The following HTR1F variants were observed in gnomAD, a reference collection of about 807,000 sequenced individuals.
HTR1F encodes 5-hydroxytryptamine (serotonin) receptor 1F, G protein-coupled.
In HTR1F, 17 loss-of-function variants were observed where a neutral mutation model predicts 24.0. The observed-to-expected ratio is 0.71, with a 90% CI of 0.48 to 1.06. The LOEUF (loss-of-function observed/expected upper bound fraction) is 1.06, where lower values mean the gene tolerates loss of function less well. Ranked by LOEUF, HTR1F falls within the 50% of genes least tolerant of loss-of-function variation. The pLI is 0.00. For synonymous variants in HTR1F, 186 were observed against 156.8 expected, an observed-to-expected ratio of 1.19 and a Z score of -1.39; for missense variants, 391 against 427.8, an observed-to-expected ratio of 0.91 and a Z score of 0.76.
chr3:87,866,993 A>T (rs1465055952), intron 2 of HTR1F, among the ~76,000 whole-genome samples: 1 of 151,948 alleles, frequency 6.6e-6, no homozygotes, highest in Admixed American at 6.6e-5. Flanking sequence ...TAGATAATTA[A>T]GTTTATAAAC....
At chr3:87,935,196 T>TC (rs1704382061) in intron 2 of HTR1F, among the ~76,000 whole-genome samples, 1 of 152,134 alleles carries the variant, frequency 6.6e-6, no homozygotes, top group African/African-American at 2.4e-5. Context: ...AAAGCTGGAC[T>TC]CTAAAGGCAG....
intron 2 of HTR1F, among the ~76,000 whole-genome samples, chr3:87,923,010 C>T (rs1301847779): frequency 6.6e-6 from 1 of 151,610 alleles, no homozygotes; most frequent in Non-Finnish European, 1.5e-5. Flanking sequence ...TTTCCAGCAA[C>T]ATTTATTAAG....
chr3:87,822,802 T>C (rs1227931872), intron 2 of HTR1F, among the ~76,000 whole-genome samples: 1 of 152,166 alleles, frequency 6.6e-6, no homozygotes, highest in African/African-American at 2.4e-5. Flanking sequence ...TGAAACAACA[T>C]AATAAATGTT....
chr3:87,820,551 A>G (rs953067282), intron 1 of HTR1F, among the ~76,000 whole-genome samples: 1 of 152,200 alleles, frequency 6.6e-6, no homozygotes, highest in Non-Finnish European at 1.5e-5. Context: ...ATAGTTACAT[A>G]CCATCAAAGA....
intron 2 of HTR1F, among the ~76,000 whole-genome samples, chr3:87,879,979 C>A (rs1705752966): frequency 6.6e-6 from 1 of 152,020 alleles, no homozygotes; most frequent in Non-Finnish European, 1.5e-5. Context: ...TAAAATTTAA[C>A]ATCTAAACAG....
intron 2 of HTR1F, among the ~76,000 whole-genome samples, chr3:87,941,018 TG>T (rs1337309308): frequency 6.6e-6 from 1 of 152,174 alleles, no homozygotes; most frequent in East Asian, 1.9e-4. Context: ...AGGTAGGCCA[TG>T]GGTTGCAAGC....
At chr3:87,898,727 C>T (rs1487578077) in intron 2 of HTR1F, among the ~76,000 whole-genome samples, 1 of 151,636 alleles carries the variant, frequency 6.6e-6, no homozygotes, top group East Asian at 1.9e-4. Context: ...TTTGTTAATG[C>T]TTTTGATTTA....
At chr3:87,947,849 G>A (rs1704745495) in intron 2 of HTR1F, among the ~76,000 whole-genome samples, 1 of 151,944 alleles carries the variant, frequency 6.6e-6, no homozygotes, top group Non-Finnish European at 1.5e-5. Flanking sequence ...CTAATGAAAT[G>A]CTAATATATC....
intron 2 of HTR1F, among the ~76,000 whole-genome samples, chr3:87,948,283 C>T (rs1704756764): frequency 6.6e-6 from 1 of 151,878 alleles, no homozygotes. Context: ...CTTGAAAGAC[C>T]AAAAGGTAGC....
At chr3:87,840,144 C>T (rs1176767772) in intron 2 of HTR1F, among the ~76,000 whole-genome samples, 2 of 152,066 alleles carry the variant, frequency 1.3e-5, no homozygotes, top group Non-Finnish European at 2.9e-5. Context: ...AACAGGGTTG[C>T]TGAGTCTTCT....
At chr3:87,945,394 G>A (rs1479704347) in intron 2 of HTR1F, among the ~76,000 whole-genome samples, 1 of 152,166 alleles carries the variant, frequency 6.6e-6, no homozygotes, top group African/African-American at 2.4e-5. Flanking sequence ...GGGATCAGAG[G>A]AAGTCGATTC....
intron 1 of HTR1F, among the ~76,000 whole-genome samples, chr3:87,794,873 C>CTA (rs765454927): frequency 4.0e-5 from 6 of 150,822 alleles, no homozygotes; most frequent in Non-Finnish European, 7.4e-5. Flanking sequence ...ATAAAGACTA[C>CTA]TATAAAGCTG....
At chr3:87,925,657 G>T (rs529817180) in intron 2 of HTR1F, among the ~76,000 whole-genome samples, 1 of 152,292 alleles carries the variant, frequency 6.6e-6, no homozygotes, top group South Asian at 2.1e-4. Flanking sequence ...GCAGGACCCT[G>T]CATGGGTTTC....
chr3:87,836,497 G>A (rs1178094858), intron 2 of HTR1F, among the ~76,000 whole-genome samples: 2 of 152,076 alleles, frequency 1.3e-5, no homozygotes, highest in Admixed American at 6.6e-5. Context: ...AATTTGTTAT[G>A]AATAATAGAG....
At chr3:87,829,919 A>G (rs1162555204) in intron 2 of HTR1F, among the ~76,000 whole-genome samples, 1 of 152,218 alleles carries the variant, frequency 6.6e-6, no homozygotes, top group Non-Finnish European at 1.5e-5. Context: ...CATGAATATG[A>G]TCTTTAAAAA....
intron 2 of HTR1F, among the ~76,000 whole-genome samples, chr3:87,975,850 A>G (rs1705384697): frequency 1.3e-5 from 2 of 152,262 alleles, no homozygotes; most frequent in Admixed American, 1.3e-4. Flanking sequence ...TCATGGCCAT[A>G]TAACATCTGC....
intron 2 of HTR1F, among the ~76,000 whole-genome samples, chr3:87,860,167 A>G (rs1198259245): frequency 6.6e-6 from 1 of 152,202 alleles, no homozygotes; most frequent in Non-Finnish European, 1.5e-5. Flanking sequence ...TACATTAATA[A>G]CATTCTAGGT....
intron 2 of HTR1F, among the ~76,000 whole-genome samples, chr3:87,834,937 A>G (rs1240621974): frequency 6.6e-6 from 1 of 152,196 alleles, no homozygotes; most frequent in Non-Finnish European, 1.5e-5. Context: ...TGCAAAGTTG[A>G]AAATATTTAA....
chr3:87,991,504 C>A lies in HTR1F; in HGVS notation c.755C>A (p.Ser252Tyr). 6.2e-7 allele frequency: 1 copy of A among 1,614,066 alleles called. No individual in the cohort carries two copies. Among genetic ancestry groups the A allele is most frequent in the Non-Finnish European group, 8.5e-7 (1 of 1,179,958 alleles). ...STSYVLEKSL[S>Y]DPSTDFDKIH... ...TCCTATGTACTAGAAAAGTCTTTAT[C>A]TGACCCATCAACAGACTTTGATAAA... Residue 252 changes from serine (S) to tyrosine (Y), a missense_variant, in exon 3 of 3, where the codon TCT becomes TAT. By Grantham distance (144) the Ser-to-Tyr change is moderately radical (BLOSUM62 -2). Coordinates refer to ENST00000319595, the MANE Select transcript of HTR1F (RefSeq NM_001322209.2).
Sources: allele counts gnomAD v4.1 joint callset (sites outside exome capture counted in the v4.1 genomes callset), GRCh38; gene constraint gnomAD v4.1.1; transcripts MANE v1.5; gene names NCBI Gene and HGNC (gene_info 2026-07-23, HGNC 2026-07-21).